Variants in SIN3A observed in about 807,000 individuals in gnomAD.
SIN3A encodes the protein paired amphipathic helix protein Sin3a.
In SIN3A, 14 loss-of-function variants were observed where a neutral mutation model predicts 146.1. That is an observed-to-expected ratio of 0.10 (90% CI 0.06 to 0.15). SIN3A has a LOEUF of 0.15. SIN3A is among the 10% of genes least tolerant of loss of function. The pLI, the probability that SIN3A is intolerant of heterozygous loss-of-function variation, is 1.00. For synonymous variants in SIN3A, 572 were observed against 572.0 expected, an observed-to-expected ratio of 1.00 and a Z score of 0.00; for missense variants, 1,028 against 1,576.0, an observed-to-expected ratio of 0.65 and a Z score of 5.89.
intron 2 of SIN3A, among the ~76,000 whole-genome samples, chr15:75,425,915 A>C (rs569619759): frequency 4.6e-5 from 7 of 152,338 alleles, no homozygotes; most frequent in African/African-American, 1.7e-4. Context: ...GGAGAGGGAG[A>C]AACCAAGCAA....
chr15:75,430,144 T>C (rs1173225043), intron 2 of SIN3A, 43 bp downstream of exon 2: 3 of 1,517,096 alleles, frequency 2.0e-6, no homozygotes, highest in Admixed American at 1.7e-5. Flanking sequence ...AAAACCACTA[T>C]TTCTCTTCCC....
intron 1 of SIN3A, among the ~76,000 whole-genome samples, chr15:75,445,769 A>G (rs1309284452): frequency 1.3e-5 from 2 of 151,684 alleles, no homozygotes; most frequent in Non-Finnish European, 2.9e-5. Flanking sequence ...GAAAAAAAAA[A>G]AAAAAAAAGA....
At chr15:75,399,132 C>A (rs187942581) in intron 12 of SIN3A, among the ~76,000 whole-genome samples, 1 of 151,662 alleles carries the variant, frequency 6.6e-6, no homozygotes, top group Admixed American at 6.6e-5. Context: ...GTGGGAGGAT[C>A]ACACTTGAGT....
intron 1 of SIN3A, among the ~76,000 whole-genome samples, chr15:75,437,667 T>C (rs989879499): frequency 6.6e-6 from 1 of 152,164 alleles, no homozygotes; most frequent in East Asian, 1.9e-4. Context: ...AGCCAAACGA[T>C]GGAACCACAA....
chr15:75,429,941 A>G, intron 2 of SIN3A: 2 of 376,670 alleles, frequency 5.3e-6, no homozygotes, highest in Non-Finnish European at 9.5e-6. Flanking sequence ...CAAAGTTTAG[A>G]TCAGTGGCTA....
chr15:75,372,217 ACAG>A lies in SIN3A; in HGVS notation c.3592-11_3592-9del. ...GCTTACACGCTCATGGGACTGCAAA[ACAG>A]AAAAAAAAAATTTTATTAAATGAAG... On this transcript the variant is annotated splice_polypyrimidine_tract_variant and intron_variant, in intron 20 of 20. Coordinates refer to ENST00000394947, the MANE Select transcript of SIN3A (RefSeq NM_001145358.2). 1 of 1,545,912 alleles carries A rather than the reference ACAG, an allele frequency of 6.5e-7. No homozygotes were observed. The highest frequency in any genetic ancestry group is 2.1e-5 in the Admixed American group (1 of 46,616).
intron 12 of SIN3A, among the ~76,000 whole-genome samples, chr15:75,399,420 C>T (rs779247223): frequency 1.3e-5 from 2 of 151,868 alleles, no homozygotes; most frequent in Admixed American, 6.6e-5. Flanking sequence ...CCCAGCTACT[C>T]GGGAGGCTGA....
chr15:75,395,736 TA>T (rs1013349579), intron 13 of SIN3A, among the ~76,000 whole-genome samples: 1 of 151,526 alleles, frequency 6.6e-6, no homozygotes, highest in African/African-American at 2.4e-5. Flanking sequence ...TCATCTCTAT[TA>T]AAAAAAATAA....
At chr15:75,423,857 G>A (rs2073880906) in intron 2 of SIN3A, among the ~76,000 whole-genome samples, 1 of 151,944 alleles carries the variant, frequency 6.6e-6, no homozygotes, top group Non-Finnish European at 1.5e-5. Context: ...ATAGCTGGAC[G>A]TGGTAACACG....
Position 75,430,259 on chromosome 15 carries a change from A to G in SIN3A, c.117T>C (p.Pro39=). The change falls in exon 2 of 21, where the codon CCT becomes CCC. Residue 39 remains proline, a synonymous_variant. Transcript: ENST00000394947. ...HQHRVLAPAP[P]VYEAVSETMQ... ...TGGTCTCAGACACTGCTTCATACACAGGAGGGGCAGGGGCAAGCACCCGGT... is the reference window on the plus strand; with the variant it reads ...TGGTCTCAGACACTGCTTCATACACGGGAGGGGCAGGGGCAAGCACCCGGT... 6.2e-7 allele frequency: 1 copy of G among 1,614,122 alleles called. No individual in the cohort carries two copies. The highest frequency in any genetic ancestry group is 1.3e-5 in the African/African-American group (1 of 75,034).
intron 17 of SIN3A, among the ~76,000 whole-genome samples, chr15:75,383,456 C>T (rs1479252798): frequency 2.6e-5 from 4 of 151,356 alleles, no homozygotes; most frequent in African/African-American, 9.7e-5. Context: ...CAGAGTCTTG[C>T]TCTGTCACCC....
intron 11 of SIN3A, 36 bp from the exon 12 acceptor site, chr15:75,400,192 TAAAA>T: frequency 8.4e-7 from 1 of 1,197,442 alleles, no homozygotes; most frequent in South Asian, 1.3e-5. Context: ...AACAAAAGCC[TAAAA>T]AAGCTTTCTG....
chr15:75,452,328 A>AG (rs2074424635), upstream of SIN3A, among the ~76,000 whole-genome samples: 1 of 152,156 alleles, frequency 6.6e-6, no homozygotes, highest in African/African-American at 2.4e-5. Context: ...TAGAGACTGA[A>AG]GCTCGGAGTT....
At chr15:75,433,735 G>C (rs1383421966) in intron 1 of SIN3A, among the ~76,000 whole-genome samples, 1 of 152,050 alleles carries the variant, frequency 6.6e-6, no homozygotes, top group African/African-American at 2.4e-5. Flanking sequence ...GCGTGGACCG[G>C]GAGGCAGAGC....
At chr15:75,399,895 CATGGAAAGT>C in intron 12 of SIN3A, 136 bp downstream of exon 12, 1 of 632,160 alleles carries the variant, frequency 1.6e-6, no homozygotes, top group South Asian at 2.2e-5. Flanking sequence ...ATGCATAAAG[CATGGAAAGT>C]ACCACAACAA....
At chr15:75,377,067 T>A (rs1375852419) in intron 19 of SIN3A, among the ~76,000 whole-genome samples, 1 of 152,154 alleles carries the variant, frequency 6.6e-6, no homozygotes, top group Non-Finnish European at 1.5e-5. Context: ...ACTGGCACCA[T>A]TAAAGTAATG....
At chr15:75,395,770 T>G (rs2073290052) in intron 13 of SIN3A, among the ~76,000 whole-genome samples, 2 of 152,084 alleles carry the variant, frequency 1.3e-5, no homozygotes, top group South Asian at 4.1e-4. Flanking sequence ...CTGGGTGTGG[T>G]GGCACATTCC....
rs374807287 is a variant in SIN3A, at chr15:75,427,677, T to C, written c.189+2510A>G. ...TCTGTCTCAAAAATAAATAAATAAA[T>C]AAATAAAATAGGCTAGGCGTGGTGG... On this transcript the variant is annotated intron_variant, in intron 2 of 20. Coordinates refer to ENST00000394947, the MANE Select transcript of SIN3A (RefSeq NM_001145358.2). 1.3e-4 allele frequency among the ~76,000 whole-genome samples: 20 copies of C among 148,692 alleles called. No individual in the cohort carries two copies. The East Asian group carries it at 4.0e-3, about 30-fold the overall frequency.
chr15:75,447,444 A>G (rs1242836180), intron 1 of SIN3A, among the ~76,000 whole-genome samples: 2 of 152,216 alleles, frequency 1.3e-5, no homozygotes, highest in African/African-American at 2.4e-5. Flanking sequence ...GCCACTAAAC[A>G]TATTAGTCTA....
Sources: allele counts gnomAD v4.1 joint callset (sites outside exome capture counted in the v4.1 genomes callset), GRCh38; gene constraint gnomAD v4.1.1; transcripts MANE v1.5; gene names NCBI Gene and HGNC (gene_info 2026-07-23, HGNC 2026-07-21).